The following CPQ variants were observed in gnomAD, a reference collection of about 807,000 sequenced individuals.
CPQ encodes Ser-Met dipeptidase.
In CPQ, 37 loss-of-function variants were observed where a neutral mutation model predicts 45.7. The observed-to-expected ratio is 0.81, with a 90% CI of 0.62 to 1.07. The LOEUF (loss-of-function observed/expected upper bound fraction) is 1.07. CPQ is among the 50% of genes least tolerant of loss of function. The probability of loss-of-function intolerance (pLI) is 0.00; values close to 1 mark genes in which losing one functional copy is unlikely to be tolerated. For synonymous variants in CPQ, 186 were observed against 205.8 expected, an observed-to-expected ratio of 0.90 and a Z score of 0.82; for missense variants, 537 against 572.9, an observed-to-expected ratio of 0.94 and a Z score of 0.64.
chr8:96,907,127 G>A (rs748692412), intron 4 of CPQ, among the ~76,000 whole-genome samples: 1 of 152,142 alleles, frequency 6.6e-6, no homozygotes, highest in Non-Finnish European at 1.5e-5. Flanking sequence ...TATAGCTGCT[G>A]TAACAGAGAA....
chr8:96,967,999 CTT>C (rs1164421626), intron 5 of CPQ, among the ~76,000 whole-genome samples: 1 of 152,168 alleles, frequency 6.6e-6, no homozygotes, highest in Non-Finnish European at 1.5e-5. Context: ...ACTTTTATAA[CTT>C]AACTTAATAA....
intron 4 of CPQ, among the ~76,000 whole-genome samples, chr8:96,943,239 T>C (rs572928061): frequency 4.6e-5 from 7 of 152,312 alleles, no homozygotes; most frequent in African/African-American, 1.7e-4. Context: ...TTATTAAGAA[T>C]TTCAATATCA....
chr8:96,771,475 T>G (rs1291893155), intron 1 of CPQ, among the ~76,000 whole-genome samples: 1 of 152,124 alleles, frequency 6.6e-6, no homozygotes, highest in Non-Finnish European at 1.5e-5. Flanking sequence ...GTCTGGTCTC[T>G]TCCTTTCTTT....
At chr8:97,118,260 C>CAA (rs1563585303) in intron 7 of CPQ, among the ~76,000 whole-genome samples, 1 of 151,970 alleles carries the variant, frequency 6.6e-6, no homozygotes, top group Non-Finnish European at 1.5e-5. Context: ...AAAATGTTCA[C>CAA]AATGATGTGA....
At chr8:96,878,919 C>T (rs1257077312) in intron 3 of CPQ, among the ~76,000 whole-genome samples, 1 of 152,214 alleles carries the variant, frequency 6.6e-6, no homozygotes, top group Non-Finnish European at 1.5e-5. Context: ...GTGGCACGCA[C>T]TTGGAAGCTG....
chr8:96,990,163 C>T (rs1253198632), intron 5 of CPQ, among the ~76,000 whole-genome samples: 1 of 152,098 alleles, frequency 6.6e-6, no homozygotes, highest in South Asian at 2.1e-4. Flanking sequence ...ATGCTCAGCC[C>T]GATCTCATTT....
chr8:96,854,543 A>AC (rs1811817444), intron 3 of CPQ, among the ~76,000 whole-genome samples: 1 of 111,876 alleles, frequency 8.9e-6, no homozygotes, highest in Admixed American at 9.8e-5. Context: ...AAAAAAAAAA[A>AC]AAAAAAAAAA....
intron 1 of CPQ, among the ~76,000 whole-genome samples, chr8:96,655,776 ATCCTGATAAG>A (rs1201588506): frequency 2.6e-5 from 4 of 152,244 alleles, no homozygotes; most frequent in Non-Finnish European, 4.4e-5. Flanking sequence ...ATGGGGTTAT[ATCCTGATAAG>A]TCCGTTGTAA....
chr8:96,853,743 T>C (rs887758780), intron 3 of CPQ, among the ~76,000 whole-genome samples: 3 of 152,198 alleles, frequency 2.0e-5, no homozygotes, highest in Non-Finnish European at 4.4e-5. Flanking sequence ...TAGGCTAAAG[T>C]GTGTGTAGCC....
chr8:96,819,658 G>T (rs1262067876), intron 2 of CPQ, among the ~76,000 whole-genome samples: 3 of 152,080 alleles, frequency 2.0e-5, no homozygotes, highest in African/African-American at 7.2e-5. Flanking sequence ...ATAATAAGCA[G>T]ATATTATTGT....
Position 96,652,599 on chromosome 8 carries a change from A to T in CPQ, c.-35+7197A>T, listed in dbSNP as rs542962093. On this transcript the variant is annotated intron_variant, in intron 1 of 7. Coordinates refer to ENST00000220763, the MANE Select transcript of CPQ (RefSeq NM_016134.4). Reference sequence around the variant, plus strand: ...TAATTTACATTCCCATCAACAATGTATAAGAGTTTCCTTTACTTCACATTG... The same window carrying T: ...TAATTTACATTCCCATCAACAATGTTTAAGAGTTTCCTTTACTTCACATTG... Among the ~76,000 whole-genome samples the T allele has an allele frequency of 4.6e-5, 7 of 152,298 alleles. 1 individual carries two copies. The highest frequency in any genetic ancestry group is 1.7e-4 in the African/African-American group (7 of 41,572).
chr8:96,913,946 A>G (rs1403567206), intron 4 of CPQ, among the ~76,000 whole-genome samples: 2 of 152,208 alleles, frequency 1.3e-5, no homozygotes, highest in African/African-American at 2.4e-5. Flanking sequence ...TAAAGAAAGT[A>G]ATTCTTGTTC....
At chr8:96,817,433 C>T (rs1290211560) in intron 2 of CPQ, among the ~76,000 whole-genome samples, 1 of 152,034 alleles carries the variant, frequency 6.6e-6, no homozygotes, top group Non-Finnish European at 1.5e-5. Flanking sequence ...TTTGTAGCTT[C>T]CTTACTTCTT....
At chr8:96,817,661 T>C (rs1811247358) in intron 2 of CPQ, among the ~76,000 whole-genome samples, 1 of 152,002 alleles carries the variant, frequency 6.6e-6, no homozygotes. Context: ...TCACACAGGC[T>C]GCACTGCTTT....
chr8:96,690,600 T>G (rs1809293050), intron 1 of CPQ, among the ~76,000 whole-genome samples: 1 of 152,212 alleles, frequency 6.6e-6, no homozygotes, highest in Non-Finnish European at 1.5e-5. Flanking sequence ...TGATGCTTAC[T>G]TTGGAAGATT....
chr8:96,948,907 CT>C (rs1241111869), intron 4 of CPQ, among the ~76,000 whole-genome samples: 1 of 151,934 alleles, frequency 6.6e-6, no homozygotes, highest in African/African-American at 2.4e-5. Context: ...CCTTCTTTGT[CT>C]CTTGTGATAG....
At chr8:96,917,724 T>G (rs1812751687) in intron 4 of CPQ, among the ~76,000 whole-genome samples, 2 of 152,178 alleles carry the variant, frequency 1.3e-5, no homozygotes, top group Non-Finnish European at 2.9e-5. Context: ...TAAGTATTTC[T>G]CTGTGTAATC....
intron 7 of CPQ, among the ~76,000 whole-genome samples, chr8:97,111,568 A>C (rs541017497): frequency 6.6e-6 from 1 of 152,198 alleles, no homozygotes; most frequent in Non-Finnish European, 1.5e-5. Flanking sequence ...AGTCAGGACT[A>C]TCTGCCTCCT....
intron 7 of CPQ, among the ~76,000 whole-genome samples, chr8:97,075,490 C>T (rs931377147): frequency 1.3e-5 from 2 of 152,108 alleles, no homozygotes; most frequent in African/African-American, 4.8e-5. Flanking sequence ...TCTCCTGGAG[C>T]TCACAATTGA....
Sources: allele counts gnomAD v4.1 joint callset (sites outside exome capture counted in the v4.1 genomes callset), GRCh38; gene constraint gnomAD v4.1.1; transcripts MANE v1.5; gene names NCBI Gene and HGNC (gene_info 2026-07-23, HGNC 2026-07-21).